The following DGKG variants were observed in gnomAD, a reference collection of about 807,000 sequenced individuals.
DGKG encodes diacylglycerol kinase gamma, also known as DAG kinase gamma.
A neutral mutation model predicts 105.3 loss-of-function variants in DGKG; 78 were observed. That is an observed-to-expected ratio of 0.74 (90% confidence interval 0.62 to 0.89). The LOEUF (loss-of-function observed/expected upper bound fraction) is 0.89. Among genes scored for constraint, DGKG ranks in the 40% least tolerant of loss-of-function variants. DGKG has a pLI of 0.00. For synonymous variants in DGKG, 346 were observed against 367.1 expected (o/e 0.94, Z 0.66); for missense variants, 958 against 1,020.1 (o/e 0.94, Z 0.83).
At chr3:186,313,300 C>T (rs1423599489) in intron 2 of DGKG, among the ~76,000 whole-genome samples, 1 of 152,156 alleles carries the variant, frequency 6.6e-6, no homozygotes, top group Non-Finnish European at 1.5e-5. Flanking sequence ...ATGGCTCTGA[C>T]ACAGATGTTA....
intron 9 of DGKG, among the ~76,000 whole-genome samples, chr3:186,276,700 C>G (rs562210437): frequency 6.6e-6 from 1 of 152,232 alleles, no homozygotes; most frequent in Non-Finnish European, 1.5e-5. Context: ...CAGGGGAACA[C>G]AGCACAGCTT....
chr3:186,187,630 A>C (rs1003292931), intron 22 of DGKG, among the ~76,000 whole-genome samples: 1 of 152,196 alleles, frequency 6.6e-6, no homozygotes, highest in African/African-American at 2.4e-5. Context: ...GAGTAAGCAC[A>C]TGGTATTTAA....
intron 20 of DGKG, among the ~76,000 whole-genome samples, chr3:186,232,790 G>T (rs1332285855): frequency 6.6e-6 from 1 of 152,090 alleles, no homozygotes; most frequent in Non-Finnish European, 1.5e-5. Flanking sequence ...CTACATTGAT[G>T]ACTTACACCC....
At position 186,147,783 on chromosome 3, in the gene DGKG, C is replaced by G. The variant is rs1715570832; in HGVS notation, c.*2307G>C. On this transcript the variant is annotated 3_prime_UTR_variant, in exon 25 of 25. Coordinates refer to ENST00000265022, the MANE Select transcript of DGKG (RefSeq NM_001346.3). Reference sequence around the variant, plus strand: ...CACATGCACGAACTTCTGTAAATGTCTTAGAATCAGTGACCCCAAACCTGA... The same window carrying G: ...CACATGCACGAACTTCTGTAAATGTGTTAGAATCAGTGACCCCAAACCTGA... The G allele has an allele frequency of 9.1e-6, 9 of 985,396 alleles. No homozygotes were observed. The highest frequency in any genetic ancestry group is 9.6e-6 in the Non-Finnish European group (8 of 829,938). The allele number at this position is 985,396 out of a possible 1,614,324, so 61.0% of individuals were successfully genotyped here.
intron 1 of DGKG, among the ~76,000 whole-genome samples, chr3:186,335,249 A>G (rs1227184427): frequency 3.3e-5 from 5 of 151,900 alleles, no homozygotes; most frequent in Admixed American, 3.3e-4. Context: ...TTTTTTTTTA[A>G]TGTTTTTAGT....
Position 186,148,688 on chromosome 3 carries a change from T to C in DGKG, c.*1402A>G. On this transcript the variant is annotated 3_prime_UTR_variant, in exon 25 of 25. Transcript: ENST00000265022. ...CTCTGAACTTTTCTGAGACTCAATTTTCTTATCTGACAAATGGGAGAGTAA... is the reference window on the plus strand; with the variant it reads ...CTCTGAACTTTTCTGAGACTCAATTCTCTTATCTGACAAATGGGAGAGTAA... 1 of 984,944 alleles carries C rather than the reference T, an allele frequency of 1.0e-6. No individual in the cohort carries two copies. The highest frequency in any genetic ancestry group is 1.2e-6 in the Non-Finnish European group (1 of 829,526). 61.0% of individuals were successfully genotyped at this position (984,944 alleles called of 1,614,324 possible). A position where few individuals can be genotyped will look rare whatever the true frequency, so the allele number is the denominator to read the frequency against.
Position 186,361,220 on chromosome 3 carries a change from C to A in DGKG, c.-249+726G>T, listed in dbSNP as rs965519712. Among the ~76,000 whole-genome samples, 2 of 152,216 alleles carry A rather than the reference C, an allele frequency of 1.3e-5. No individual in the cohort carries two copies. Among genetic ancestry groups the A allele is most frequent in the African/African-American group, 4.8e-5 (2 of 41,456 alleles). On this transcript the variant is annotated intron_variant, in intron 1 of 24. Coordinates refer to ENST00000265022, the MANE Select transcript of DGKG (RefSeq NM_001346.3). This position sits in a 1 kb window ranked among gnomAD's most constrained non-coding sequence, Gnocchi z 6.8. ...AGGGCTTTTTAGAACTCCACAGCCC[C>A]CTCCCCTAATTCTATTCCACTAGTT...
intron 24 of DGKG, chr3:186,158,741 T>C: frequency 1.0e-6 from 1 of 970,576 alleles, no homozygotes; most frequent in Non-Finnish European, 1.2e-6. Context: ...CTGTCAATTC[T>C]ATATCAACCT....
chr3:186,320,319 T>C, intron 2 of DGKG, 74 bp downstream of exon 2: 1 of 1,583,634 alleles, frequency 6.3e-7, no homozygotes, highest in Non-Finnish European at 8.7e-7. Context: ...ATGATCATAC[T>C]GCTATGCTTT....
chr3:186,307,715 G>T (rs1384989540), intron 2 of DGKG, among the ~76,000 whole-genome samples: 1 of 152,176 alleles, frequency 6.6e-6, no homozygotes, highest in East Asian at 1.9e-4. Flanking sequence ...ATATGTAGAT[G>T]AGTATATAAA....
intron 5 of DGKG, among the ~76,000 whole-genome samples, chr3:186,296,590 G>A (rs539770345): frequency 1.1e-4 from 17 of 152,304 alleles, no homozygotes; most frequent in African/African-American, 4.1e-4. Flanking sequence ...GTGGGCCTAT[G>A]GGCAGCAGGC....
intron 1 of DGKG, among the ~76,000 whole-genome samples, chr3:186,323,589 C>A (rs531094503): frequency 3.9e-5 from 6 of 152,088 alleles, no homozygotes; most frequent in African/African-American, 1.4e-4. Flanking sequence ...GTCAGGAGAT[C>A]GAGACCATCC....
At chr3:186,265,038 A>G (rs974154635) in intron 14 of DGKG, among the ~76,000 whole-genome samples, 1 of 152,262 alleles carries the variant, frequency 6.6e-6, no homozygotes, top group Non-Finnish European at 1.5e-5. Context: ...CAATGGGATC[A>G]GTCAACCTTT....
At chr3:186,206,443 G>A (rs1478272603) in intron 21 of DGKG, among the ~76,000 whole-genome samples, 6 of 152,008 alleles carry the variant, frequency 3.9e-5, no homozygotes, top group Non-Finnish European at 5.9e-5. Context: ...TTTTTAGCCA[G>A]TGAAATGAAA....
At position 186,243,895 on chromosome 3, in the gene DGKG, G is replaced by GTTTTTTTTTTTTTT. The variant is rs34134152; in HGVS notation, c.1762-1341_1762-1328dup. On this transcript the variant is annotated intron_variant, in intron 19 of 24. Coordinates refer to ENST00000265022, the MANE Select transcript of DGKG (RefSeq NM_001346.3). ...CTATTTCTTATATGAAAATTTCTGT[G>GTTTTTTTTTTTTTT]TTTTTTTTTTTTTTTTTTGAGATGG... Among the ~76,000 whole-genome samples, 73 of 116,318 alleles carry GTTTTTTTTTTTTTT rather than the reference G, an allele frequency of 6.3e-4. 5 individuals are homozygous for GTTTTTTTTTTTTTT. Among genetic ancestry groups the GTTTTTTTTTTTTTT allele is most frequent in the African/African-American group, 2.4e-3 (66 of 27,558 alleles). The allele number at this position is 116,318 out of a possible 152,430, so 76.3% of individuals were successfully genotyped here.
chr3:186,201,579 G>A (rs561996090), intron 21 of DGKG, among the ~76,000 whole-genome samples: 65 of 152,316 alleles, frequency 4.3e-4, no homozygotes, highest in Non-Finnish European at 7.9e-4. Context: ...AGAGATGGGC[G>A]TGGGAGGCCT....
In DGKG at chr3:186,297,401, C is replaced by T. The variant is rs780685509; in HGVS notation, c.373+20G>A. ...GGTATTCCCTACTTTTCCCACAAGT[C>T]TTATATTCCAAAGACTTACCAGTAT... On this transcript the variant is annotated intron_variant, in intron 5 of 24. Transcript: ENST00000265022. The T allele has an allele frequency of 4.4e-6, 7 of 1,598,420 alleles. No homozygotes were observed. Among genetic ancestry groups the T allele is most frequent in the Admixed American group, 3.3e-5 (2 of 59,974 alleles).
At chr3:186,323,056 C>T (rs1311575377) in intron 1 of DGKG, among the ~76,000 whole-genome samples, 1 of 152,216 alleles carries the variant, frequency 6.6e-6, no homozygotes, top group Non-Finnish European at 1.5e-5. Context: ...CTGCTGCTCT[C>T]CCTGCCTTGC....
In DGKG at chr3:186,211,800, A is replaced by G. The variant is rs766460411; in HGVS notation, c.1912T>C (p.Leu638=). ...CTCCCCACTTGGGAACTTACCTCCA[A>G]CTCAATGTGGTCGTGGAGTTTCTTG... ...TCKKLHDHIE[L]ECDGVGVDLS... Residue 638 remains leucine, a synonymous_variant, in exon 21 of 25, where the codon TTG becomes CTG. Coordinates refer to ENST00000265022, the MANE Select transcript of DGKG (RefSeq NM_001346.3). The G allele has an allele frequency of 3.7e-6, 6 of 1,613,812 alleles. No homozygotes were observed. The East Asian group carries it at 1.3e-4, about 36-fold the overall frequency.
Sources: allele counts gnomAD v4.1 joint callset (sites outside exome capture counted in the v4.1 genomes callset), GRCh38; gene constraint gnomAD v4.1.1; non-coding constraint Gnocchi (gnomAD v3.1); transcripts MANE v1.5; gene names NCBI Gene and HGNC (gene_info 2026-07-23, HGNC 2026-07-21).